The following RABGAP1L variants were observed in gnomAD, a reference collection of about 807,000 sequenced individuals.
The protein encoded by RABGAP1L is rab GTPase-activating protein 1-like.
Under a neutral mutation model 137.7 loss-of-function variants are expected in RABGAP1L, and 63 were observed. The observed-to-expected ratio is 0.46, with a 90% confidence interval of 0.37 to 0.56. RABGAP1L has a LOEUF of 0.56. Ranked by LOEUF, RABGAP1L falls within the 20% of genes least tolerant of loss-of-function variation. RABGAP1L has a pLI of 0.00. For synonymous variants in RABGAP1L, 431 were observed against 433.7 expected, an observed-to-expected ratio of 0.99 and a Z score of 0.08; for missense variants, 1,095 against 1,244.0, an observed-to-expected ratio of 0.88 and a Z score of 1.80.
intron 7 of RABGAP1L, among the ~76,000 whole-genome samples, chr1:174,269,243 C>T (rs1674346581): frequency 6.6e-6 from 1 of 152,266 alleles, no homozygotes; most frequent in East Asian, 1.9e-4. Flanking sequence ...TGCGCCACCG[C>T]GCCCGGCCAG....
chr1:174,667,403 T>G (rs1316126660), intron 14 of RABGAP1L, among the ~76,000 whole-genome samples: 1 of 152,144 alleles, frequency 6.6e-6, no homozygotes, highest in Non-Finnish European at 1.5e-5. Flanking sequence ...GGAACAGACT[T>G]GGGTTCAAAT....
intron 13 of RABGAP1L, among the ~76,000 whole-genome samples, chr1:174,446,550 A>T (rs1388867090): frequency 6.6e-6 from 1 of 152,164 alleles, no homozygotes; most frequent in Non-Finnish European, 1.5e-5. Context: ...CTGATATCAA[A>T]ATGACCTTGG....
At chr1:174,429,661 C>T (rs909418392) in intron 13 of RABGAP1L, among the ~76,000 whole-genome samples, 2 of 152,008 alleles carry the variant, frequency 1.3e-5, no homozygotes, top group African/African-American at 4.8e-5. Flanking sequence ...ATCGCCTCAA[C>T]CCGGGAGGCG....
At chr1:174,964,772 A>G (rs1348106719) in intron 20 of RABGAP1L, 3 of 1,345,222 alleles carry the variant, frequency 2.2e-6, no homozygotes, top group African/African-American at 3.0e-5. Context: ...TACCTCAAGT[A>G]TCTTTGTTCC....
At chr1:174,210,130 T>C (rs1668776846) in intron 1 of RABGAP1L, among the ~76,000 whole-genome samples, 1 of 152,036 alleles carries the variant, frequency 6.6e-6, no homozygotes, top group South Asian at 2.1e-4. Context: ...CCCAAGAAGA[T>C]GGGTACAAAC....
intron 1 of RABGAP1L, among the ~76,000 whole-genome samples, chr1:174,164,445 C>T (rs551052831): frequency 2.0e-5 from 3 of 152,224 alleles, no homozygotes; most frequent in South Asian, 2.1e-4. Flanking sequence ...TACTTGATTC[C>T]GCAAGCGCAC....
At chr1:174,900,277 G>A (rs1657923612) in intron 19 of RABGAP1L, among the ~76,000 whole-genome samples, 1 of 152,218 alleles carries the variant, frequency 6.6e-6, no homozygotes, top group Admixed American at 6.5e-5. Flanking sequence ...CAGTGTGGGA[G>A]CGGGCCTGAT....
intron 1 of RABGAP1L, among the ~76,000 whole-genome samples, chr1:174,167,506 A>G (rs1665012021): frequency 6.6e-6 from 1 of 152,336 alleles, no homozygotes; most frequent in South Asian, 2.1e-4. Flanking sequence ...GAAGACTACC[A>G]TGTGAGTATT....
chr1:174,249,465 T>C (rs1232394721), intron 5 of RABGAP1L, among the ~76,000 whole-genome samples: 1 of 152,200 alleles, frequency 6.6e-6, no homozygotes, highest in East Asian at 1.9e-4. Context: ...TAGGATACAT[T>C]CAATTTCTTG....
At chr1:174,555,387 G>A (rs1384209524) in intron 13 of RABGAP1L, among the ~76,000 whole-genome samples, 1 of 152,126 alleles carries the variant, frequency 6.6e-6, no homozygotes, top group Non-Finnish European at 1.5e-5. Flanking sequence ...AAAAGCCCTT[G>A]CAATCATTTA....
At chr1:174,700,740 G>C (rs1043235198) in intron 16 of RABGAP1L, 3 of 178,580 alleles carry the variant, frequency 1.7e-5, no homozygotes, top group African/African-American at 7.2e-5. Context: ...CTATGTAGAA[G>C]AATCTGGTAA....
At chr1:174,216,556 CT>C (rs1160068140) in intron 1 of RABGAP1L, among the ~76,000 whole-genome samples, 9 of 150,854 alleles carry the variant, frequency 6.0e-5, no homozygotes, top group Non-Finnish European at 1.2e-4. Context: ...CTCTCTCCCC[CT>C]CCCCTTTTTT....
intron 13 of RABGAP1L, among the ~76,000 whole-genome samples, chr1:174,542,010 G>A (rs1665501657): frequency 6.6e-6 from 1 of 152,188 alleles, no homozygotes; most frequent in African/African-American, 2.4e-5. Context: ...TTTTATTGAG[G>A]ATCTTTGCAT....
intron 13 of RABGAP1L, among the ~76,000 whole-genome samples, chr1:174,581,619 C>G (rs1440747188): frequency 6.6e-6 from 1 of 152,102 alleles, no homozygotes; most frequent in Non-Finnish European, 1.5e-5. Context: ...TAAACCTCGA[C>G]TTGTGACAAA....
chr1:174,607,051 A>G (rs530350440), intron 13 of RABGAP1L, among the ~76,000 whole-genome samples: 2 of 152,204 alleles, frequency 1.3e-5, no homozygotes, highest in Non-Finnish European at 2.9e-5. Context: ...TGTAGCAAAT[A>G]AAAATACAAG....
intron 18 of RABGAP1L, among the ~76,000 whole-genome samples, chr1:174,772,319 T>A (rs1328448191): frequency 6.6e-6 from 1 of 152,152 alleles, no homozygotes; most frequent in Non-Finnish European, 1.5e-5. Flanking sequence ...GGCTCAGGCC[T>A]GTAATCCCAG....
intron 3 of RABGAP1L, among the ~76,000 whole-genome samples, chr1:174,228,373 T>G (rs1196892480): frequency 6.6e-6 from 1 of 152,130 alleles, no homozygotes; most frequent in Non-Finnish European, 1.5e-5. Context: ...CTTATATTTT[T>G]TCTGTTTTTA....
chr1:174,601,617 C>T (rs1015401898), intron 13 of RABGAP1L, among the ~76,000 whole-genome samples: 3 of 151,742 alleles, frequency 2.0e-5, no homozygotes, highest in East Asian at 3.9e-4. Context: ...GCACATTGTG[C>T]GCATGTACCC....
chr1:174,366,920 G>C (rs916197299), intron 11 of RABGAP1L, among the ~76,000 whole-genome samples: 1 of 151,622 alleles, frequency 6.6e-6, no homozygotes, highest in African/African-American at 2.4e-5. Flanking sequence ...GAACAGTTAC[G>C]TATACTCCCT....
Sources: gnomAD v4.1 joint callset for allele counts (sites outside exome capture counted in the v4.1 genomes callset) on GRCh38, gnomAD v4.1.1 for gene constraint, MANE v1.5 for transcripts, NCBI Gene and HGNC (gene_info 2026-07-23, HGNC 2026-07-21) for gene names.